Variants in CAMTA1 observed in about 807,000 individuals in gnomAD.
The protein encoded by CAMTA1 is calmodulin-binding transcription activator 1.
CAMTA1 carries 27 observed loss-of-function variants against 170.9 expected under a neutral mutation model. That is an observed-to-expected ratio of 0.16 (90% CI 0.12 to 0.22). The LOEUF (loss-of-function observed/expected upper bound fraction) is 0.22, where lower values mean the gene tolerates loss of function less well. CAMTA1 is among the 10% of genes least tolerant of loss of function. The probability of loss-of-function intolerance (pLI) is 1.00; values close to 1 mark genes in which losing one functional copy is unlikely to be tolerated. For synonymous variants in CAMTA1, 833 were observed against 891.5 expected (o/e 0.93, Z 1.17); for missense variants, 1,619 against 2,217.2 (o/e 0.73, Z 5.42).
chr1:7,283,396 G>A (rs945514618), intron 5 of CAMTA1, among the ~76,000 whole-genome samples: 1 of 152,080 alleles, frequency 6.6e-6, no homozygotes, highest in African/African-American at 2.4e-5. Context: ...TACTTTCTCC[G>A]AGGTTCCAGC....
At chr1:7,267,448 C>T (rs1431006351) in intron 5 of CAMTA1, among the ~76,000 whole-genome samples, 2 of 152,170 alleles carry the variant, frequency 1.3e-5, no homozygotes, top group African/African-American at 4.8e-5. Context: ...AATGATTCTG[C>T]ACATCAGCAG....
At chr1:7,505,264 CT>C (rs1434621819) in intron 6 of CAMTA1, among the ~76,000 whole-genome samples, 1 of 152,256 alleles carries the variant, frequency 6.6e-6, no homozygotes, top group Non-Finnish European at 1.5e-5. Flanking sequence ...CTGGCTGCAG[CT>C]GCTCCCACCA....
intron 3 of CAMTA1, among the ~76,000 whole-genome samples, chr1:6,961,552 G>A (rs989496776): frequency 2.0e-5 from 3 of 151,818 alleles, no homozygotes; most frequent in Non-Finnish European, 2.9e-5. Context: ...GGGCTGAGCC[G>A]GGGGCGTGAG....
intron 5 of CAMTA1, among the ~76,000 whole-genome samples, chr1:7,273,886 G>C (rs1278996047): frequency 6.6e-6 from 1 of 152,068 alleles, no homozygotes; most frequent in Non-Finnish European, 1.5e-5. Context: ...TTACATTTTT[G>C]GTGAAGTGCT....
At position 7,456,850 on chromosome 1, in the gene CAMTA1, C is replaced by T. The variant is rs1173066394; in HGVS notation, c.439-10980C>T. Among the ~76,000 whole-genome samples the T allele has an allele frequency of 6.6e-6, 1 of 152,206 alleles. No homozygotes were observed. Among genetic ancestry groups the T allele is most frequent in the African/African-American group, 2.4e-5 (1 of 41,452 alleles). ...TGGGAAAACAGGCAGGTGAGAGTGG[C>T]CAGGTTCCTGGACGTGACCCTAAGC... On this transcript the variant is annotated intron_variant, in intron 5 of 22. Coordinates refer to ENST00000303635, the MANE Select transcript of CAMTA1 (RefSeq NM_015215.4). The surrounding 1 kb of genome is among the most constrained non-coding windows in gnomAD (Gnocchi z 4.9).
intron 11 of CAMTA1, among the ~76,000 whole-genome samples, chr1:7,708,502 A>G (rs1461176500): frequency 6.6e-6 from 1 of 152,250 alleles, no homozygotes; most frequent in Non-Finnish European, 1.5e-5. Context: ...ATTCAAAAAA[A>G]AGAAAAAGAC....
intron 5 of CAMTA1, among the ~76,000 whole-genome samples, chr1:7,310,675 TC>T (rs1676477483): frequency 2.6e-4 from 6 of 23,370 alleles, no homozygotes; most frequent in African/African-American, 1.6e-3. Context: ...TTCTTTCCTT[TC>T]TTTCTCTCTC....
Position 7,534,174 on chromosome 1 carries a change from G to T in CAMTA1, c.510+66273G>T, listed in dbSNP as rs1205521924. On this transcript the variant is annotated intron_variant, in intron 6 of 22. Coordinates refer to ENST00000303635, the MANE Select transcript of CAMTA1 (RefSeq NM_015215.4). This position sits in a 1 kb window ranked among gnomAD's most constrained non-coding sequence, Gnocchi z 5.6. ...CCAATACAAAGCCATACATCTTGGTGTGTGACAAATCACTTTTTAATTGCC... is the reference window on the plus strand; with the variant it reads ...CCAATACAAAGCCATACATCTTGGTTTGTGACAAATCACTTTTTAATTGCC... 6.6e-6 allele frequency among the ~76,000 whole-genome samples: 1 copy of T among 152,182 alleles called. No individual in the cohort carries two copies. Among genetic ancestry groups the T allele is most frequent in the Non-Finnish European group, 1.5e-5 (1 of 68,040 alleles).
chr1:7,726,921 C>T (rs188593711), intron 11 of CAMTA1, among the ~76,000 whole-genome samples: 1 of 152,294 alleles, frequency 6.6e-6, no homozygotes, highest in East Asian at 1.9e-4. Flanking sequence ...GCACTTGTAA[C>T]TTTCCTTCTG....
At chr1:7,331,857 T>C (rs1233205732) in intron 5 of CAMTA1, among the ~76,000 whole-genome samples, 1 of 152,212 alleles carries the variant, frequency 6.6e-6, no homozygotes, top group Non-Finnish European at 1.5e-5. Flanking sequence ...CTCGTCCTTC[T>C]TATTCTGCTT....
intron 5 of CAMTA1, among the ~76,000 whole-genome samples, chr1:7,442,419 T>A (rs1235071556): frequency 2.0e-5 from 3 of 152,108 alleles, no homozygotes; most frequent in African/African-American, 7.2e-5. Context: ...AGTATCCCCA[T>A]TTTAATAACG....
chr1:7,348,550 C>T (rs1330327360), intron 5 of CAMTA1, among the ~76,000 whole-genome samples: 3 of 152,168 alleles, frequency 2.0e-5, no homozygotes, highest in Admixed American at 6.5e-5. Flanking sequence ...GGTAAAGGTT[C>T]GGCCGCCTAC....
chr1:7,478,884 T>C (rs2093467342), intron 6 of CAMTA1, among the ~76,000 whole-genome samples: 1 of 152,188 alleles, frequency 6.6e-6, no homozygotes, highest in Admixed American at 6.5e-5. Flanking sequence ...CTAATCTCCT[T>C]TGGAGCAAAG....
At chr1:7,542,371 T>C (rs1401650484) in intron 6 of CAMTA1, among the ~76,000 whole-genome samples, 1 of 152,222 alleles carries the variant, frequency 6.6e-6, no homozygotes, top group African/African-American at 2.4e-5. Flanking sequence ...TTTTTTCACT[T>C]ACCATTGTAT....
intron 6 of CAMTA1, among the ~76,000 whole-genome samples, chr1:7,498,793 G>GTGCA (rs1402755923): frequency 6.7e-6 from 1 of 148,276 alleles, no homozygotes; most frequent in Non-Finnish European, 1.5e-5. Context: ...ATGTATGTGT[G>GTGCA]TGCATGTGTG....
At chr1:6,821,499 A>G (rs1168112801) in intron 2 of CAMTA1, among the ~76,000 whole-genome samples, 2 of 152,170 alleles carry the variant, frequency 1.3e-5, no homozygotes, top group Non-Finnish European at 2.9e-5. Flanking sequence ...TTACTACTCC[A>G]TGTTGTTGAT....
intron 1 of CAMTA1, among the ~76,000 whole-genome samples, chr1:6,817,162 C>G (rs955445285): frequency 2.0e-5 from 3 of 152,018 alleles, no homozygotes; most frequent in African/African-American, 7.2e-5. Context: ...TATAAAAATC[C>G]TTTTTTATGA....
At chr1:7,310,931 A>G (rs1429007575) in intron 5 of CAMTA1, among the ~76,000 whole-genome samples, 1 of 151,922 alleles carries the variant, frequency 6.6e-6, no homozygotes, top group African/African-American at 2.4e-5. Flanking sequence ...GGGTTTTGCC[A>G]TGTTGGCCAG....
At position 7,282,540 on chromosome 1, in the gene CAMTA1, C is replaced by T. The variant is rs543488064; in HGVS notation, c.438+32914C>T. On this transcript the variant is annotated intron_variant, in intron 5 of 22. Transcript: ENST00000303635. ...AGCATTTGATGACAGTTCATTTCAG[C>T]CTCTTTCCTGAAACTCCTTTTCTAG... is the stretch of plus-strand genomic sequence containing the variant. 1.7e-3 allele frequency among the ~76,000 whole-genome samples: 260 copies of T among 152,236 alleles called. 1 individual carries two copies. Among genetic ancestry groups the T allele is most frequent in the Non-Finnish European group, 2.9e-3 (194 of 68,014 alleles).
Sources: allele counts gnomAD v4.1 joint callset (sites outside exome capture counted in the v4.1 genomes callset), GRCh38; gene constraint gnomAD v4.1.1; non-coding constraint Gnocchi (gnomAD v3.1); transcripts MANE v1.5; gene names NCBI Gene and HGNC (gene_info 2026-07-23, HGNC 2026-07-21).